Variants in GRIA1 observed in about 807,000 individuals in gnomAD.
GRIA1 encodes the protein glutamate ionotropic receptor AMPA type subunit 1, also known as glutamate receptor 1.
GRIA1 carries 31 observed loss-of-function variants against 99.2 expected under a neutral mutation model. The ratio of observed to expected loss-of-function variants is 0.31; its 90% CI spans 0.23 to 0.42. The LOEUF is 0.42. GRIA1 is among the 10% of genes least tolerant of loss of function. GRIA1 has a pLI of 1.00. For missense variants in GRIA1, 782 were observed against 1,157.5 expected (o/e 0.68, Z 4.71); for synonymous variants, 438 against 432.4 (o/e 1.01, Z -0.16).
chr5:153,720,309 C>T (rs941811502), intron 11 of GRIA1, among the ~76,000 whole-genome samples: 1 of 152,178 alleles, frequency 6.6e-6, no homozygotes, highest in Non-Finnish European at 1.5e-5. Context: ...CAACACCTTT[C>T]AGGTTATGTA....
chr5:153,575,219 G>GAT, intron 2 of GRIA1, among the ~76,000 whole-genome samples: 1 of 151,980 alleles, frequency 6.6e-6, no homozygotes, highest in East Asian at 1.9e-4. Context: ...GAGAGAGAGA[G>GAT]AGCTGTTTAA....
At chr5:153,591,061 T>C (rs1346828064) in intron 2 of GRIA1, among the ~76,000 whole-genome samples, 1 of 152,166 alleles carries the variant, frequency 6.6e-6, no homozygotes, top group Non-Finnish European at 1.5e-5. Flanking sequence ...TATTCAAGAG[T>C]CATCAAACAG....
intron 2 of GRIA1, among the ~76,000 whole-genome samples, chr5:153,501,822 C>T (rs755086049): frequency 5.9e-5 from 9 of 152,174 alleles, no homozygotes; most frequent in Admixed American, 2.0e-4. Flanking sequence ...ATGGGCATTC[C>T]TGGAGATTGG....
intron 2 of GRIA1, among the ~76,000 whole-genome samples, chr5:153,523,473 T>G (rs924279415): frequency 6.6e-6 from 1 of 151,858 alleles, no homozygotes; most frequent in Non-Finnish European, 1.5e-5. Context: ...GGCTGAACTT[T>G]ACTACTCATT....
chr5:153,728,159 C>A (rs928125273), intron 11 of GRIA1, among the ~76,000 whole-genome samples: 4 of 152,052 alleles, frequency 2.6e-5, no homozygotes, highest in African/African-American at 9.7e-5. Context: ...ATAAATGGTG[C>A]TGGGAAAAGT....
intron 10 of GRIA1, 69 bp from the exon 11 acceptor site, chr5:153,705,628 C>G: frequency 7.2e-7 from 1 of 1,392,214 alleles, no homozygotes; most frequent in Non-Finnish European, 9.2e-7. Context: ...AGAAGAAAAA[C>G]AAGAGAATGA....
intron 10 of GRIA1, among the ~76,000 whole-genome samples, chr5:153,702,406 T>C (rs1758591874): frequency 6.6e-6 from 1 of 152,236 alleles, no homozygotes; most frequent in Non-Finnish European, 1.5e-5. Context: ...GCCACCCCTG[T>C]GAAACAAGGA....
intron 2 of GRIA1, among the ~76,000 whole-genome samples, chr5:153,600,428 G>A (rs1335569668): frequency 5.2e-5 from 2 of 38,428 alleles, no homozygotes; most frequent in Non-Finnish European, 1.2e-4. Flanking sequence ...TATGGAGTTT[G>A]TAAGGATAGG....
chr5:153,719,097 T>C (rs888211258), intron 11 of GRIA1, among the ~76,000 whole-genome samples: 1 of 152,210 alleles, frequency 6.6e-6, no homozygotes, highest in African/African-American at 2.4e-5. Context: ...GGTTCATTTT[T>C]CTTTACATCT....
chr5:153,670,574 A>G (rs1224859044), intron 5 of GRIA1, among the ~76,000 whole-genome samples: 2 of 152,172 alleles, frequency 1.3e-5, no homozygotes, highest in Non-Finnish European at 2.9e-5. Context: ...AATAGAATAT[A>G]ATTAGCAATG....
intron 13 of GRIA1, among the ~76,000 whole-genome samples, chr5:153,778,254 G>T (rs1581641423): frequency 1.3e-5 from 2 of 151,686 alleles, no homozygotes; most frequent in South Asian, 4.2e-4. Context: ...GTTTGCAAAG[G>T]AGAGAAGCTT....
chr5:153,603,679 T>C (rs1244184324), intron 2 of GRIA1, among the ~76,000 whole-genome samples: 1 of 152,218 alleles, frequency 6.6e-6, no homozygotes, highest in African/African-American at 2.4e-5. Flanking sequence ...GTATATCTTA[T>C]ATTAGGAGTA....
chr5:153,689,688 T>TG (rs1216304005), intron 8 of GRIA1, among the ~76,000 whole-genome samples: 2 of 152,160 alleles, frequency 1.3e-5, no homozygotes, highest in African/African-American at 2.4e-5. Flanking sequence ...TGAGAGACAT[T>TG]GGGCTGTGCA....
At chr5:153,691,996 C>T (rs1184005248) in intron 8 of GRIA1, among the ~76,000 whole-genome samples, 22 of 152,214 alleles carry the variant, frequency 1.4e-4, no homozygotes, top group Admixed American at 1.4e-3. Context: ...GTGGCATCAG[C>T]TCTCACTCCT....
Position 153,748,662 on chromosome 5 carries a change from G to A in GRIA1, c.1824-15772G>A, listed in dbSNP as rs530579993. On this transcript the variant is annotated intron_variant, in intron 11 of 15. Transcript: ENST00000285900. ...TATCTGGAATGCTGCCTATGAAGATGAGGGGATGATTGGACTGGATGGGCT... is the reference window on the plus strand; with the variant it reads ...TATCTGGAATGCTGCCTATGAAGATAAGGGGATGATTGGACTGGATGGGCT... Among the ~76,000 whole-genome samples the A allele has an allele frequency of 1.6e-4, 24 of 152,286 alleles. 1 individual carries two copies. In the South Asian group the frequency reaches 5.0e-3, roughly 32 times the overall value.
intron 11 of GRIA1, among the ~76,000 whole-genome samples, chr5:153,714,395 C>T (rs1330605180): frequency 1.3e-5 from 2 of 152,118 alleles, no homozygotes; most frequent in Non-Finnish European, 2.9e-5. Flanking sequence ...ATTTTTGATT[C>T]CAAGCATGAA....
intron 11 of GRIA1, among the ~76,000 whole-genome samples, chr5:153,759,796 C>T (rs1214310111): frequency 3.3e-5 from 5 of 151,824 alleles, no homozygotes; most frequent in African/African-American, 1.2e-4. Context: ...AATAATCCTC[C>T]ACAAAATACT....
chr5:153,585,696 C>T (rs1763425557), intron 2 of GRIA1, among the ~76,000 whole-genome samples: 1 of 152,110 alleles, frequency 6.6e-6, no homozygotes, highest in Admixed American at 6.6e-5. Context: ...CCCTTTGGAC[C>T]TTTGAATCAC....
At chr5:153,628,509 G>A (rs917918563) in intron 2 of GRIA1, among the ~76,000 whole-genome samples, 4 of 152,164 alleles carry the variant, frequency 2.6e-5, no homozygotes, top group African/African-American at 9.7e-5. Context: ...TTAAGTACAT[G>A]TTCAATAAAT....
Sources: allele counts gnomAD v4.1 joint callset (sites outside exome capture counted in the v4.1 genomes callset), GRCh38; gene constraint gnomAD v4.1.1; transcripts MANE v1.5; gene names NCBI Gene and HGNC (gene_info 2026-07-23, HGNC 2026-07-21).